PCDH9: variants seen among roughly 807,000 people sequenced by gnomAD.
PCDH9 encodes the protein protocadherin-9.
In PCDH9, 24 loss-of-function variants were observed where a neutral mutation model predicts 70.6. That is an observed-to-expected ratio of 0.34 (90% CI 0.25 to 0.48). PCDH9 has a LOEUF of 0.48. PCDH9 is among the 20% of genes least tolerant of loss of function. PCDH9 has a pLI of 0.99. For synonymous variants in PCDH9, 562 were observed against 558.5 expected, an observed-to-expected ratio of 1.01 and a Z score of -0.09; for missense variants, 1,281 against 1,503.6, an observed-to-expected ratio of 0.85 and a Z score of 2.45.
At chr13:66,947,412 T>TGTTC (rs1223284732) in intron 2 of PCDH9, among the ~76,000 whole-genome samples, 1 of 152,134 alleles carries the variant, frequency 6.6e-6, no homozygotes, top group Non-Finnish European at 1.5e-5. Context: ...TTGATAATCA[T>TGTTC]GTTCTTTTTC....
At position 67,225,824 on chromosome 13, in the gene PCDH9, T is replaced by G; in HGVS notation, c.2617A>C (p.Lys873Gln). The G allele has an allele frequency of 6.2e-7, 1 of 1,614,166 alleles. No individual in the cohort carries two copies. The highest frequency in any genetic ancestry group is 8.5e-7 in the Non-Finnish European group (1 of 1,180,018). ...NKQNKKKKRKKRKSPKSSLLN... is the reference protein window; with the variant it reads ...NKQNKKKKRKQRKSPKSSLLN... ...AGAGAGCTTTTGGGAGACTTCCTTTTCTTTCTTTTCTTTTTCTTGTTTTGC... is the reference window on the plus strand; with the variant it reads ...AGAGAGCTTTTGGGAGACTTCCTTTGCTTTCTTTTCTTTTTCTTGTTTTGC... The change falls in exon 2 of 5, where the codon AAA (lysine) becomes CAA (glutamine). Residue 873 changes from lysine to glutamine, a missense_variant. Coordinates refer to ENST00000377865, the MANE Select transcript of PCDH9 (RefSeq NM_203487.3).
At chr13:66,561,584 C>G (rs1566418495) in intron 4 of PCDH9, among the ~76,000 whole-genome samples, 1 of 152,176 alleles carries the variant, frequency 6.6e-6, no homozygotes, top group Admixed American at 6.5e-5. Context: ...TGTAAACACA[C>G]CAATCAGCAC....
intron 2 of PCDH9, among the ~76,000 whole-genome samples, chr13:66,943,671 A>T (rs978385694): frequency 2.6e-5 from 4 of 152,090 alleles, no homozygotes; most frequent in African/African-American, 9.7e-5. Flanking sequence ...AGATCTCTAT[A>T]ACCAAAGGAT....
chr13:66,329,084 T>C (rs924924419), intron 4 of PCDH9, among the ~76,000 whole-genome samples: 2 of 152,212 alleles, frequency 1.3e-5, no homozygotes, highest in African/African-American at 4.8e-5. Flanking sequence ...TTATGTTAAC[T>C]ATAGGAATTT....
intron 2 of PCDH9, among the ~76,000 whole-genome samples, chr13:67,038,596 T>A (rs1300447673): frequency 6.6e-6 from 1 of 152,188 alleles, no homozygotes; most frequent in Non-Finnish European, 1.5e-5. Flanking sequence ...TGAACCAAAA[T>A]TAGATCCAAT....
chr13:66,399,087 C>CT (rs950619185), intron 4 of PCDH9, among the ~76,000 whole-genome samples: 11 of 151,914 alleles, frequency 7.2e-5, no homozygotes, highest in African/African-American at 2.2e-4. Flanking sequence ...CTTGCTTTTT[C>CT]TTTTTTTTAT....
intron 2 of PCDH9, among the ~76,000 whole-genome samples, chr13:67,060,327 A>G (rs166349): frequency 0.99 from 150,939 of 152,110 alleles, 74,904 homozygotes; most frequent in East Asian, 1. Flanking sequence ...GGAAGTTCTG[A>G]AAAGTGAGGT....
intron 2 of PCDH9, among the ~76,000 whole-genome samples, chr13:67,125,301 T>A (rs1479969811): frequency 5.3e-5 from 8 of 152,156 alleles, no homozygotes; most frequent in Admixed American, 5.2e-4. Context: ...TGATCGCAAA[T>A]CATGTGTATT....
chr13:66,638,724 T>C (rs777732749), intron 3 of PCDH9, among the ~76,000 whole-genome samples: 2 of 152,186 alleles, frequency 1.3e-5, no homozygotes, highest in African/African-American at 2.4e-5. Flanking sequence ...ATGAGTTAAC[T>C]GGAATTAACG....
In PCDH9 at chr13:66,810,958, T is replaced by C. The variant is rs572844350; in HGVS notation, c.3138+92546A>G. 6.0e-3 allele frequency among the ~76,000 whole-genome samples: 912 copies of C among 152,194 alleles called. 8 individuals carry two copies. The highest frequency in any genetic ancestry group is 9.2e-3 in the Non-Finnish European group (627 of 67,952). On this transcript the variant is annotated intron_variant, in intron 3 of 4. Transcript: ENST00000377865. ...ACCTAATATTAATATGATTATTTCA[T>C]GATATTCATCACTGGTAATTGTCTT...
chr13:66,562,219 G>A (rs528038612), intron 4 of PCDH9, among the ~76,000 whole-genome samples: 1 of 152,042 alleles, frequency 6.6e-6, no homozygotes, highest in Non-Finnish European at 1.5e-5. Context: ...AATCAAACTT[G>A]TGATAATATG....
chr13:66,807,271 A>T (rs1484765361), intron 3 of PCDH9, among the ~76,000 whole-genome samples: 2 of 152,172 alleles, frequency 1.3e-5, no homozygotes, highest in Non-Finnish European at 2.9e-5. Context: ...ACATCATTCC[A>T]GCCTACAGAT....
chr13:66,477,262 C>A (rs1594040848), intron 4 of PCDH9, among the ~76,000 whole-genome samples: 1 of 152,130 alleles, frequency 6.6e-6, no homozygotes, highest in African/African-American at 2.4e-5. Flanking sequence ...ATGGCTTGGG[C>A]AACTTATTTT....
intron 4 of PCDH9, among the ~76,000 whole-genome samples, chr13:66,357,469 C>T (rs531351999): frequency 3.9e-5 from 6 of 152,146 alleles, no homozygotes; most frequent in African/African-American, 1.4e-4. Flanking sequence ...AGAATAGCCA[C>T]AATGAATGAG....
At chr13:66,818,935 A>AG (rs2080659447) in intron 3 of PCDH9, among the ~76,000 whole-genome samples, 1 of 134,920 alleles carries the variant, frequency 7.4e-6, no homozygotes, top group Non-Finnish European at 1.6e-5. Flanking sequence ...CTCCCGTCTC[A>AG]AAAAAAAACA....
chr13:66,771,034 C>T (rs1448128584), intron 3 of PCDH9, among the ~76,000 whole-genome samples: 1 of 152,104 alleles, frequency 6.6e-6, no homozygotes, highest in Admixed American at 6.5e-5. Context: ...TATTATGTTC[C>T]ACTATGTCTT....
At chr13:66,595,691 G>GA (rs1188895861) in intron 4 of PCDH9, among the ~76,000 whole-genome samples, 13 of 151,672 alleles carry the variant, frequency 8.6e-5, no homozygotes, top group African/African-American at 2.7e-4. Flanking sequence ...TTTGCACTGA[G>GA]AAAAAATACG....
chr13:66,811,539 G>T (rs931419336), intron 3 of PCDH9, among the ~76,000 whole-genome samples: 23 of 152,048 alleles, frequency 1.5e-4, no homozygotes, highest in Middle Eastern at 3.4e-3. Context: ...TTTGCTCACT[G>T]GCAGTCAATT....
At chr13:66,563,583 C>T (rs569696963) in intron 4 of PCDH9, among the ~76,000 whole-genome samples, 34 of 152,224 alleles carry the variant, frequency 2.2e-4, no homozygotes, top group South Asian at 1.7e-3. Flanking sequence ...ATGATCTGCC[C>T]GTAGTCCCCT....
Sources: allele counts gnomAD v4.1 joint callset (sites outside exome capture counted in the v4.1 genomes callset), GRCh38; gene constraint gnomAD v4.1.1; transcripts MANE v1.5; gene names NCBI Gene and HGNC (gene_info 2026-07-23, HGNC 2026-07-21).